The following TSPAN9 variants were observed in gnomAD, a reference collection of about 807,000 sequenced individuals.
TSPAN9 encodes tetraspanin 9.
A neutral mutation model predicts 31.0 loss-of-function variants in TSPAN9; 16 were observed. The ratio of observed to expected loss-of-function variants is 0.52; its 90% CI spans 0.35 to 0.78. The LOEUF (loss-of-function observed/expected upper bound fraction) is 0.78. Ranked by LOEUF, TSPAN9 falls within the 30% of genes least tolerant of loss-of-function variation. TSPAN9 has a pLI of 0.01. For missense variants in TSPAN9, 272 were observed against 312.5 expected (o/e 0.87, Z 0.98); for synonymous variants, 145 against 121.6 (o/e 1.19, Z -1.27).
chr12:3,282,895 T>C, intron 8 of TSPAN9, 150 bp from the exon 9 acceptor site: 1 of 706,074 alleles, frequency 1.4e-6, no homozygotes, highest in Non-Finnish European at 2.4e-6. Flanking sequence ...ACGGTTTTCT[T>C]CATGTCTTCA....
chr12:3,095,928 C>T (rs896588089), intron 2 of TSPAN9, among the ~76,000 whole-genome samples: 1 of 148,024 alleles, frequency 6.8e-6, no homozygotes, highest in Non-Finnish European at 1.5e-5. Flanking sequence ...ACTTCCCAGA[C>T]GGGGTGGCGG....
intron 8 of TSPAN9, 43 bp from the exon 9 acceptor site, chr12:3,283,002 G>A: frequency 1.3e-6 from 2 of 1,598,810 alleles, no homozygotes; most frequent in Non-Finnish European, 1.7e-6. Context: ...TCAGGTCCAG[G>A]CTGCTGCAGC....
chr12:3,226,765 TATATATATATATATATATATATATATA>T (rs1204698888), intron 3 of TSPAN9, among the ~76,000 whole-genome samples: 64 of 3,442 alleles, frequency 0.019, 10 homozygotes, highest in Middle Eastern at 0.062. Context: ...TATATATATA[TATATATATATATATATATATATATATA>T]TATTTTTTTT....
intron 3 of TSPAN9, among the ~76,000 whole-genome samples, chr12:3,221,375 T>TTTTTTTTTTTC: frequency 6.6e-6 from 1 of 150,950 alleles, no homozygotes; most frequent in Non-Finnish European, 1.5e-5. Flanking sequence ...TTTTTTTTTT[T>TTTTTTTTTTTC]TAGATGAAGT....
intron 2 of TSPAN9, among the ~76,000 whole-genome samples, chr12:3,087,312 C>T (rs1034776673): frequency 1.3e-5 from 2 of 152,058 alleles, no homozygotes; most frequent in African/African-American, 2.4e-5. Flanking sequence ...TTGAGACCAG[C>T]CTGGACAACA....
chr12:3,086,728 T>C (rs1269757447), intron 2 of TSPAN9, among the ~76,000 whole-genome samples: 1 of 152,252 alleles, frequency 6.6e-6, no homozygotes, highest in Non-Finnish European at 1.5e-5. Flanking sequence ...TTAGGATTGC[T>C]GCTAACTCTC....
At position 3,266,556 on chromosome 12, in the gene TSPAN9, C is replaced by T. The variant is rs3782771; in HGVS notation, c.64-11865C>T. 2.4e-4 allele frequency among the ~76,000 whole-genome samples: 37 copies of T among 152,292 alleles called. No individual in the cohort carries two copies. In the East Asian group the frequency reaches 5.0e-3, roughly 21 times the overall value. On this transcript the variant is annotated intron_variant, in intron 3 of 8. Coordinates refer to ENST00000011898, the MANE Select transcript of TSPAN9 (RefSeq NM_006675.5). The stretch of plus-strand genomic sequence containing the variant: ...CTGTGGACAGGCCAGCAGCTTTCAA[C>T]GGAGTAACCTGAATTGCCATGCACA...
intron 2 of TSPAN9, among the ~76,000 whole-genome samples, chr12:3,194,629 C>G (rs774971378): frequency 6.6e-6 from 1 of 152,170 alleles, no homozygotes; most frequent in Non-Finnish European, 1.5e-5. Context: ...TCAAGCGATT[C>G]ACCTGCCTTG....
chr12:3,212,226 T>A (rs2098379121), intron 3 of TSPAN9, among the ~76,000 whole-genome samples: 2 of 152,218 alleles, frequency 1.3e-5, no homozygotes, highest in African/African-American at 4.8e-5. Flanking sequence ...AGCCTCGGCC[T>A]CCCAAAGTGC....
At chr12:3,247,314 C>A (rs1320196354) in intron 3 of TSPAN9, among the ~76,000 whole-genome samples, 2 of 23,272 alleles carry the variant, frequency 8.6e-5, no homozygotes, top group Non-Finnish European at 3.4e-4. Flanking sequence ...CCCCCCCCCG[C>A]CACCCGCGTC....
At chr12:3,109,035 A>G (rs1325240090) in intron 2 of TSPAN9, among the ~76,000 whole-genome samples, 2 of 151,498 alleles carry the variant, frequency 1.3e-5, no homozygotes, top group Admixed American at 1.3e-4. Flanking sequence ...TCTCGGGTTT[A>G]CACCATTCTC....
intron 2 of TSPAN9, among the ~76,000 whole-genome samples, chr12:3,137,973 G>C (rs58547212): frequency 6.6e-6 from 1 of 152,162 alleles, no homozygotes; most frequent in Admixed American, 6.5e-5. Flanking sequence ...GAGGAAGGTC[G>C]TGTGAGGAGT....
intron 2 of TSPAN9, among the ~76,000 whole-genome samples, chr12:3,139,619 G>A (rs565727957): frequency 4.1e-4 from 62 of 152,154 alleles, no homozygotes; most frequent in African/African-American, 1.4e-3. Context: ...CCCAGGCTGG[G>A]GTGCAGTGGT....
rs908920027 is a variant in TSPAN9 at position 3,219,799 on chromosome 12, A to G, written c.63+18543A>G. On this transcript the variant is annotated intron_variant, in intron 3 of 8. Transcript: ENST00000011898. The stretch of plus-strand genomic sequence containing the variant: ...AAACCACCATGGCACATGTATACCA[A>G]TGTAACAAACCTGCACATTCTGCAC... Among the ~76,000 whole-genome samples, 13 of 151,392 alleles carry G rather than the reference A, an allele frequency of 8.6e-5. 1 individual carries two copies. In the East Asian group the frequency reaches 1.7e-3, roughly 20 times the overall value.
chr12:3,245,940 C>T (rs1862116550), intron 3 of TSPAN9, among the ~76,000 whole-genome samples: 1 of 152,048 alleles, frequency 6.6e-6, no homozygotes, highest in Non-Finnish European at 1.5e-5. Context: ...ATCTGCCCAG[C>T]AAAGATTCTT....
chr12:3,111,481 C>T (rs889303939), intron 2 of TSPAN9, among the ~76,000 whole-genome samples: 3 of 152,086 alleles, frequency 2.0e-5, no homozygotes, highest in Non-Finnish European at 4.4e-5. Context: ...ATAAAACTTA[C>T]CTGATGAGGT....
chr12:3,247,426 C>CTCTAAGTCTTCA (rs1862159648), intron 3 of TSPAN9, among the ~76,000 whole-genome samples: 1 of 151,934 alleles, frequency 6.6e-6, no homozygotes, highest in Non-Finnish European at 1.5e-5. Context: ...CTGCCTTTGA[C>CTCTAAGTCTTCA]TCTAAGTCTT....
Position 3,170,098 on chromosome 12 carries a change from G to A in TSPAN9, c.-17-31079G>A, listed in dbSNP as rs117203377. Among the ~76,000 whole-genome samples, 5 of 152,294 alleles carry A rather than the reference G, an allele frequency of 3.3e-5. No individual in the cohort carries two copies. The highest frequency in any genetic ancestry group is 6.5e-5 in the Admixed American group (1 of 15,296). On this transcript the variant is annotated intron_variant, in intron 2 of 8. Coordinates refer to ENST00000011898, the MANE Select transcript of TSPAN9 (RefSeq NM_006675.5). The surrounding 1 kb of genome is among the most constrained non-coding windows in gnomAD (Gnocchi z 4.4). ...GTCCCTTTACTTCTCTCTGTTCCACGTCCTTCATCTGGGAATAATAATACC... is the reference window on the plus strand; with the variant it reads ...GTCCCTTTACTTCTCTCTGTTCCACATCCTTCATCTGGGAATAATAATACC...
intron 3 of TSPAN9, among the ~76,000 whole-genome samples, chr12:3,229,448 A>G (rs1333237913): frequency 6.6e-6 from 1 of 152,008 alleles, no homozygotes; most frequent in Non-Finnish European, 1.5e-5. Flanking sequence ...TGGCTTCCTA[A>G]TTATCTTGCT....
Sources: gnomAD v4.1 joint callset for allele counts (sites outside exome capture counted in the v4.1 genomes callset) on GRCh38, gnomAD v4.1.1 for gene constraint, Gnocchi (gnomAD v3.1) non-coding constraint, MANE v1.5 for transcripts, NCBI Gene and HGNC (gene_info 2026-07-23, HGNC 2026-07-21) for gene names.